The following EYS variants were observed in gnomAD, a reference collection of about 807,000 sequenced individuals.
EYS encodes protein eyes shut homolog.
In EYS, 250 loss-of-function variants were observed where a neutral mutation model predicts 282.1. The ratio of observed to expected loss-of-function variants is 0.89; its 90% CI spans 0.80 to 0.98. EYS has a LOEUF of 0.98. Ranked by LOEUF, EYS falls within the 50% of genes least tolerant of loss-of-function variation. The pLI is 0.00. For synonymous variants in EYS, 1,355 were observed against 1,282.9 expected (o/e 1.06, Z -1.20); for missense variants, 4,016 against 3,709.0 (o/e 1.08, Z -2.15).
intron 4 of EYS, among the ~76,000 whole-genome samples, chr6:65,493,660 C>T (rs749390849): frequency 7.2e-5 from 11 of 152,148 alleles, no homozygotes; most frequent in Non-Finnish European, 1.5e-4. Flanking sequence ...TCACGTTAGC[C>T]TCAGGCAGCA....
chr6:65,417,454 T>C (rs1240050798), intron 5 of EYS, among the ~76,000 whole-genome samples: 1 of 152,046 alleles, frequency 6.6e-6, no homozygotes, highest in Non-Finnish European at 1.5e-5. Context: ...CCACTTAAAT[T>C]ACTAGGATTG....
At chr6:65,620,812 C>T (rs1766449158) in intron 2 of EYS, among the ~76,000 whole-genome samples, 1 of 151,832 alleles carries the variant, frequency 6.6e-6, no homozygotes, top group Admixed American at 6.6e-5. Flanking sequence ...TGTTATGTAC[C>T]CAGTAGTCAT....
chr6:65,253,438 C>T (rs1767378229), intron 12 of EYS, among the ~76,000 whole-genome samples: 1 of 151,832 alleles, frequency 6.6e-6, no homozygotes, highest in African/African-American at 2.4e-5. Context: ...TCATACTCTA[C>T]TTATCCAAGG....
chr6:63,854,753 A>G (rs966516610), intron 36 of EYS, among the ~76,000 whole-genome samples: 2 of 152,228 alleles, frequency 1.3e-5, no homozygotes, highest in East Asian at 3.8e-4. Context: ...ATAATTTGAA[A>G]TCAGTTACTT....
intron 30 of EYS, among the ~76,000 whole-genome samples, chr6:64,261,683 T>C (rs951167132): frequency 1.3e-5 from 2 of 152,122 alleles, no homozygotes; most frequent in Non-Finnish European, 2.9e-5. Context: ...GGAGTTTTCA[T>C]GGTATGAACT....
chr6:65,223,860 A>T (rs899962223), intron 12 of EYS, among the ~76,000 whole-genome samples: 2 of 152,120 alleles, frequency 1.3e-5, no homozygotes, highest in Admixed American at 1.3e-4. Flanking sequence ...ATAAGACTGT[A>T]CTCAACCTGG....
chr6:64,830,421 A>T (rs1484148295), intron 19 of EYS, among the ~76,000 whole-genome samples: 1 of 152,004 alleles, frequency 6.6e-6, no homozygotes, highest in Non-Finnish European at 1.5e-5. Flanking sequence ...TGTGACATTA[A>T]GGTGATCTAC....
intron 8 of EYS, among the ~76,000 whole-genome samples, chr6:65,357,753 C>T (rs1764548054): frequency 6.6e-6 from 1 of 151,878 alleles, no homozygotes; most frequent in Non-Finnish European, 1.5e-5. Context: ...AATCAACTTC[C>T]TGTTTTTGAG....
intron 26 of EYS, among the ~76,000 whole-genome samples, chr6:64,487,089 C>A (rs1331794685): frequency 2.7e-5 from 4 of 150,836 alleles, no homozygotes; most frequent in African/African-American, 9.7e-5. Context: ...TAAACATTGG[C>A]TCATTAAAAA....
intron 10 of EYS, among the ~76,000 whole-genome samples, chr6:65,335,458 C>T (rs760996408): frequency 2.6e-5 from 4 of 151,752 alleles, no homozygotes; most frequent in Admixed American, 1.3e-4. Flanking sequence ...GACAGAGAAT[C>T]GCCTTACAAA....
At chr6:64,032,723 A>T (rs976365900) in intron 33 of EYS, among the ~76,000 whole-genome samples, 3 of 152,186 alleles carry the variant, frequency 2.0e-5, no homozygotes, top group Non-Finnish European at 2.9e-5. Flanking sequence ...AACTCAGGAA[A>T]ACACTTTTCT....
At chr6:65,641,489 G>C (rs139259360) in intron 1 of EYS, among the ~76,000 whole-genome samples, 91 of 152,298 alleles carry the variant, frequency 6.0e-4, no homozygotes, top group African/African-American at 1.9e-3. Flanking sequence ...GAGAGGAGGA[G>C]AGCAAATTTT....
At chr6:64,856,761 T>A (rs2150045644) in intron 19 of EYS, among the ~76,000 whole-genome samples, 1 of 152,322 alleles carries the variant, frequency 6.6e-6, no homozygotes, top group African/African-American at 2.4e-5. Context: ...AGCTTTAAAC[T>A]TATAAGTTTC....
chr6:63,904,486 A>C (rs1773729247), intron 35 of EYS, among the ~76,000 whole-genome samples: 1 of 152,226 alleles, frequency 6.6e-6, no homozygotes, highest in African/African-American at 2.4e-5. Context: ...AACCTGGGAA[A>C]GCAGTGTCAG....
At chr6:65,684,950 T>C (rs1215602538) in intron 1 of EYS, among the ~76,000 whole-genome samples, 1 of 151,988 alleles carries the variant, frequency 6.6e-6, no homozygotes, top group Admixed American at 6.6e-5. Flanking sequence ...TGTCCATAGG[T>C]ACTCAATGTT....
intron 35 of EYS, among the ~76,000 whole-genome samples, chr6:63,940,959 T>G (rs1028110782): frequency 2.0e-5 from 3 of 152,000 alleles, no homozygotes; most frequent in Non-Finnish European, 2.9e-5. Flanking sequence ...TTGCGATAGT[T>G]TGCTCAGAAT....
intron 26 of EYS, among the ~76,000 whole-genome samples, chr6:64,490,641 G>A (rs1216246583): frequency 3.3e-5 from 5 of 150,782 alleles, no homozygotes; most frequent in African/African-American, 9.7e-5. Flanking sequence ...AAAATTCAAC[G>A]CAGTGCAATA....
At chr6:65,032,361 T>C (rs988275341) in intron 13 of EYS, among the ~76,000 whole-genome samples, 3 of 152,156 alleles carry the variant, frequency 2.0e-5, no homozygotes, top group Admixed American at 6.6e-5. Flanking sequence ...CCAAATCTCA[T>C]ATTGAATGAA....
rs111992826 is a variant in EYS at position 64,032,576 on chromosome 6, A to G, written c.6726-33393T>C. On this transcript the variant is annotated intron_variant, in intron 33 of 42. Coordinates refer to ENST00000503581, the MANE Select transcript of EYS (RefSeq NM_001142800.2). ...CGGGTTAAGGGCTCAGGCCCACAAGACTAATCCTTGCTTCAGATGTCAATC... is the reference window on the plus strand; with the variant it reads ...CGGGTTAAGGGCTCAGGCCCACAAGGCTAATCCTTGCTTCAGATGTCAATC... Among the ~76,000 whole-genome samples the G allele has an allele frequency of 3.3e-3, 509 of 152,294 alleles. 10 individuals are homozygous for G. Among genetic ancestry groups the G allele is most frequent in the Middle Eastern group, 0.02 (6 of 294 alleles).
Sources: gnomAD v4.1 joint callset for allele counts (sites outside exome capture counted in the v4.1 genomes callset) on GRCh38, gnomAD v4.1.1 for gene constraint, MANE v1.5 for transcripts, NCBI Gene and HGNC (gene_info 2026-07-23, HGNC 2026-07-21) for gene names.